EPHA5: variants seen among roughly 807,000 people sequenced by gnomAD.
The protein encoded by EPHA5 is ephrin type-A receptor 5.
A neutral mutation model predicts 105.0 loss-of-function variants in EPHA5; 60 were observed. The ratio of observed to expected loss-of-function variants is 0.57; its 90% confidence interval spans 0.46 to 0.71. The LOEUF is 0.71. Ranked by LOEUF, EPHA5 falls within the 30% of genes least tolerant of loss-of-function variation. The pLI is 0.00. For synonymous variants in EPHA5, 513 were observed against 449.1 expected, an observed-to-expected ratio of 1.14 and a Z score of -1.80; for missense variants, 1,218 against 1,274.7, an observed-to-expected ratio of 0.96 and a Z score of 0.68.
At chr4:65,523,883 T>C (rs10031909) in intron 3 of EPHA5, among the ~76,000 whole-genome samples, 18,190 of 151,780 alleles carry the variant, frequency 0.12, 1,629 homozygotes, top group East Asian at 0.36. Flanking sequence ...AAATGGTGGA[T>C]ACTCCACTTT....
intron 10 of EPHA5, 23 bp downstream of exon 10, chr4:65,365,909 G>T: frequency 6.3e-7 from 1 of 1,588,236 alleles, no homozygotes; most frequent in Non-Finnish European, 8.6e-7. Context: ...AGTTAAAAAT[G>T]AAAGTCAAAC....
rs183419850 is a variant in EPHA5 at position 65,522,939 on chromosome 4, G to A, written c.911-27396C>T. On this transcript the variant is annotated intron_variant, in intron 3 of 16. Transcript: ENST00000613740. Reference sequence around the variant, plus strand: ...AAGTGATACCATGGGAATTGAGAATGTTATCAAGGGATTCTAAAAAGCATG... The same window carrying A: ...AAGTGATACCATGGGAATTGAGAATATTATCAAGGGATTCTAAAAAGCATG... Among the ~76,000 whole-genome samples the A allele has an allele frequency of 2.6e-5, 4 of 152,010 alleles. No homozygotes were observed. In the East Asian group the frequency reaches 7.8e-4, roughly 29 times the overall value.
chr4:65,590,381 C>T (rs1221932950), intron 3 of EPHA5, among the ~76,000 whole-genome samples: 1 of 152,078 alleles, frequency 6.6e-6, no homozygotes, highest in Non-Finnish European at 1.5e-5. Flanking sequence ...GATCCACACG[C>T]ATGACAAGAA....
chr4:65,571,643 A>C (rs140902991), intron 3 of EPHA5, among the ~76,000 whole-genome samples: 1 of 152,222 alleles, frequency 6.6e-6, no homozygotes, highest in East Asian at 1.9e-4. Context: ...TGGCACCCAC[A>C]AGAACTTATG....
intron 2 of EPHA5, among the ~76,000 whole-genome samples, chr4:65,632,974 A>G (rs922215596): frequency 6.6e-6 from 1 of 152,072 alleles, no homozygotes; most frequent in Non-Finnish European, 1.5e-5. Flanking sequence ...TTAAGATGAA[A>G]GAAATGAGCT....
intron 3 of EPHA5, among the ~76,000 whole-genome samples, chr4:65,529,855 G>C (rs1442176629): frequency 6.6e-6 from 1 of 151,986 alleles, no homozygotes; most frequent in African/African-American, 2.4e-5. Context: ...GTTCTGGTGG[G>C]TGTTGTTATT....
intron 1 of EPHA5, among the ~76,000 whole-genome samples, chr4:65,649,044 T>A (rs1034411528): frequency 6.6e-6 from 1 of 152,220 alleles, no homozygotes; most frequent in African/African-American, 2.4e-5. Context: ...CAGGAAGCCA[T>A]AGCCAACTGT....
chr4:65,343,316 T>A (rs1354644059), intron 14 of EPHA5, among the ~76,000 whole-genome samples: 1 of 152,098 alleles, frequency 6.6e-6, no homozygotes, highest in Non-Finnish European at 1.5e-5. Context: ...TGTTCTAGTT[T>A]ATTTTCATTA....
chr4:65,529,615 T>C (rs1735572966), intron 3 of EPHA5, among the ~76,000 whole-genome samples: 1 of 151,928 alleles, frequency 6.6e-6, no homozygotes, highest in African/African-American at 2.4e-5. Flanking sequence ...TGTGCATATG[T>C]TAGATACATA....
At chr4:65,451,546 CAATT>C (rs1202497255) in intron 5 of EPHA5, among the ~76,000 whole-genome samples, 1 of 152,080 alleles carries the variant, frequency 6.6e-6, no homozygotes. Flanking sequence ...ACTTTTATAA[CAATT>C]AAACAGCAAT....
chr4:65,352,694 C>A (rs550631657), intron 12 of EPHA5, among the ~76,000 whole-genome samples: 31 of 152,016 alleles, frequency 2.0e-4, no homozygotes, highest in African/African-American at 7.2e-4. Context: ...GAAAATCGAA[C>A]ACTTGTAAGA....
chr4:65,466,676 G>A (rs1264242130), intron 5 of EPHA5, among the ~76,000 whole-genome samples: 1 of 152,176 alleles, frequency 6.6e-6, no homozygotes, highest in Non-Finnish European at 1.5e-5. Context: ...CTATATTTAG[G>A]TGTAGAATAG....
intron 8 of EPHA5, among the ~76,000 whole-genome samples, chr4:65,373,221 C>T (rs1198351959): frequency 6.6e-6 from 1 of 151,748 alleles, no homozygotes; most frequent in Non-Finnish European, 1.5e-5. Flanking sequence ...TAGTTTGGAG[C>T]AGTTCGTGAT....
chr4:65,461,042 A>T (rs998005213), intron 5 of EPHA5, among the ~76,000 whole-genome samples: 3 of 151,922 alleles, frequency 2.0e-5, no homozygotes, highest in African/African-American at 7.2e-5. Flanking sequence ...ATTCCACATG[A>T]TCACTACACT....
intron 3 of EPHA5, among the ~76,000 whole-genome samples, chr4:65,496,690 A>T (rs1016539590): frequency 2.7e-4 from 41 of 151,994 alleles, no homozygotes; most frequent in Non-Finnish European, 5.4e-4. Flanking sequence ...CAATAAACAT[A>T]CGTGTGCATG....
intron 5 of EPHA5, among the ~76,000 whole-genome samples, chr4:65,449,280 G>C (rs1012255688): frequency 2.6e-5 from 4 of 152,096 alleles, no homozygotes; most frequent in Middle Eastern, 3.4e-3. Context: ...AATAAAATGG[G>C]ATACATTTAG....
intron 8 of EPHA5, among the ~76,000 whole-genome samples, chr4:65,368,516 C>T (rs563600993): frequency 1.3e-4 from 20 of 152,160 alleles, no homozygotes; most frequent in Admixed American, 7.9e-4. Context: ...CCAGGAACTA[C>T]GACCCATCTC....
chr4:65,483,514 C>T (rs1730587514), intron 5 of EPHA5, among the ~76,000 whole-genome samples: 1 of 152,132 alleles, frequency 6.6e-6, no homozygotes, highest in Admixed American at 6.5e-5. Flanking sequence ...ACACCCTCTC[C>T]AGCACCTGTT....
chr4:65,540,416 T>C (rs1396648119), intron 3 of EPHA5, among the ~76,000 whole-genome samples: 1 of 151,442 alleles, frequency 6.6e-6, no homozygotes, highest in Non-Finnish European at 1.5e-5. Flanking sequence ...CTCTGAACTA[T>C]TATTCTCCCT....
Sources: gnomAD v4.1 joint callset for allele counts (sites outside exome capture counted in the v4.1 genomes callset) on GRCh38, gnomAD v4.1.1 for gene constraint, MANE v1.5 for transcripts, NCBI Gene and HGNC (gene_info 2026-07-23, HGNC 2026-07-21) for gene names.